Variants in SORCS2 observed in about 807,000 individuals in gnomAD.
SORCS2 encodes the protein VPS10 domain-containing receptor SorCS2.
In SORCS2, 100 loss-of-function variants were observed where a neutral mutation model predicts 141.6. The ratio of observed to expected loss-of-function variants is 0.71; its 90% CI spans 0.60 to 0.83. The LOEUF is 0.83. SORCS2 is among the 40% of genes least tolerant of loss of function. SORCS2 has a pLI of 0.00. For synonymous variants in SORCS2, 789 were observed against 676.9 expected (o/e 1.17, Z -2.57); for missense variants, 1,646 against 1,560.2 (o/e 1.05, Z -0.93).
chr4:7,461,470 G>A (rs1422674973), intron 2 of SORCS2, among the ~76,000 whole-genome samples: 2 of 152,226 alleles, frequency 1.3e-5, no homozygotes, highest in African/African-American at 4.8e-5. Context: ...GGGGAAACCT[G>A]TAGCACCCCC....
rs947341188 is a variant in SORCS2, at chr4:7,674,052, A to G, written c.1162-1998A>G. 2.6e-5 allele frequency among the ~76,000 whole-genome samples: 4 copies of G among 152,272 alleles called. No homozygotes were observed. In the East Asian group the frequency reaches 7.8e-4, roughly 30 times the overall value. On this transcript the variant is annotated intron_variant, in intron 8 of 26. Coordinates refer to ENST00000507866, the MANE Select transcript of SORCS2 (RefSeq NM_020777.3). Reference sequence around the variant, plus strand: ...GAGGTGAGGAGGGCAGAACAGCCACAAGCCTGCTGCCTCCGGGCACTTCAC... The same window carrying G: ...GAGGTGAGGAGGGCAGAACAGCCACGAGCCTGCTGCCTCCGGGCACTTCAC...
At chr4:7,541,512 G>T (rs902750969) in intron 3 of SORCS2, among the ~76,000 whole-genome samples, 2 of 152,226 alleles carry the variant, frequency 1.3e-5, no homozygotes, top group Non-Finnish European at 2.9e-5. Context: ...CTCAGGAGGG[G>T]CGATCACTCA....
chr4:7,586,762 G>A (rs1716565206), intron 3 of SORCS2, among the ~76,000 whole-genome samples: 1 of 152,088 alleles, frequency 6.6e-6, no homozygotes, highest in Non-Finnish European at 1.5e-5. Context: ...TCCATGCCAT[G>A]GACAATTTTA....
intron 2 of SORCS2, among the ~76,000 whole-genome samples, chr4:7,451,333 C>A (rs374841776): frequency 6.8e-4 from 104 of 152,366 alleles, no homozygotes; most frequent in African/African-American, 2.2e-3. Flanking sequence ...CTGCCACACC[C>A]CAGCTGGGAG....
chr4:7,197,899 G>A (rs1351300063), intron 1 of SORCS2, among the ~76,000 whole-genome samples: 1 of 152,162 alleles, frequency 6.6e-6, no homozygotes, highest in Non-Finnish European at 1.5e-5. Context: ...CTGGACTTCA[G>A]TGACCATATC....
intron 1 of SORCS2, among the ~76,000 whole-genome samples, chr4:7,285,236 T>C (rs189797136): frequency 6.6e-6 from 1 of 152,244 alleles, no homozygotes; most frequent in East Asian, 1.9e-4. Flanking sequence ...TTTCACCATG[T>C]TGGTCAGGCT....
chr4:7,724,844 ATGG>A (rs1727047047), intron 19 of SORCS2, among the ~76,000 whole-genome samples: 1 of 104,486 alleles, frequency 9.6e-6, no homozygotes, highest in African/African-American at 4.0e-5. Context: ...GGTGGAGGTG[ATGG>A]TGGTAGTGGT....
intron 3 of SORCS2, among the ~76,000 whole-genome samples, chr4:7,610,194 A>T (rs1718317042): frequency 6.6e-6 from 1 of 152,196 alleles, no homozygotes; most frequent in African/African-American, 2.4e-5. Flanking sequence ...AGATGCAATT[A>T]GCCGCGGTTG....
intron 8 of SORCS2, among the ~76,000 whole-genome samples, chr4:7,675,103 C>A (rs1384497182): frequency 6.6e-6 from 1 of 152,228 alleles, no homozygotes; most frequent in East Asian, 1.9e-4. Flanking sequence ...TCCCACATAG[C>A]ATTTGTTGCT....
At chr4:7,368,184 G>A (rs1722020108) in intron 1 of SORCS2, among the ~76,000 whole-genome samples, 2 of 152,210 alleles carry the variant, frequency 1.3e-5, no homozygotes, top group African/African-American at 4.8e-5. Context: ...CATGAAGAGT[G>A]GACACAGATG....
At chr4:7,658,047 G>A (rs1423907741) in intron 5 of SORCS2, among the ~76,000 whole-genome samples, 1 of 152,084 alleles carries the variant, frequency 6.6e-6, no homozygotes, top group Admixed American at 6.5e-5. Context: ...GTGAGTGAAT[G>A]AGTGAGTCTG....
chr4:7,216,182 C>T (rs982720261), intron 1 of SORCS2, among the ~76,000 whole-genome samples: 11 of 152,144 alleles, frequency 7.2e-5, no homozygotes, highest in Admixed American at 3.9e-4. Context: ...TGACACTCAC[C>T]GCAAAGGTCT....
chr4:7,698,411 T>C (rs1374737963), intron 12 of SORCS2, among the ~76,000 whole-genome samples: 1 of 152,218 alleles, frequency 6.6e-6, no homozygotes, highest in Admixed American at 6.5e-5. Context: ...TTTAAAAATA[T>C]GCAAGAAACA....
chr4:7,358,011 G>C (rs1721357295), intron 1 of SORCS2, among the ~76,000 whole-genome samples: 1 of 152,220 alleles, frequency 6.6e-6, no homozygotes, highest in East Asian at 1.9e-4. Context: ...GAAAATATTT[G>C]TGTACCCCCC....
Position 7,565,861 on chromosome 4 carries a change from G to GACA in SORCS2, c.648+34232_648+34233insACA, listed in dbSNP as rs1172790928. 9.7e-4 allele frequency among the ~76,000 whole-genome samples: 117 copies of GACA among 120,502 alleles called. 1 individual carries two copies. The highest frequency in any genetic ancestry group is 6.8e-3 in the South Asian group (21 of 3,082). 79.1% of individuals were successfully genotyped at this position (120,502 alleles called of 152,430 possible). Reference sequence around the variant, plus strand: ...TGGTGATGGTGATGATGGTGATGATGGTGATGATGTGATGATGGAGATGAT... The same window carrying GACA: ...TGGTGATGGTGATGATGGTGATGATGACAGTGATGATGTGATGATGGAGATGAT... On this transcript the variant is annotated intron_variant, in intron 3 of 26. Coordinates refer to ENST00000507866, the MANE Select transcript of SORCS2 (RefSeq NM_020777.3).
chr4:7,671,607 G>A (rs1438943851), intron 8 of SORCS2, among the ~76,000 whole-genome samples: 1 of 152,106 alleles, frequency 6.6e-6, no homozygotes, highest in African/African-American at 2.4e-5. Flanking sequence ...GAATTGAAAG[G>A]CAGAAGAAGG....
chr4:7,270,899 G>A (rs1168354869), intron 1 of SORCS2, among the ~76,000 whole-genome samples: 2 of 152,228 alleles, frequency 1.3e-5, no homozygotes, highest in African/African-American at 2.4e-5. Context: ...GGGTTGTTTA[G>A]GATACTTACG....
At chr4:7,573,905 T>G (rs1405372495) in intron 3 of SORCS2, among the ~76,000 whole-genome samples, 1 of 152,238 alleles carries the variant, frequency 6.6e-6, no homozygotes, top group Non-Finnish European at 1.5e-5. Flanking sequence ...CTCCTCGCTG[T>G]GCTTGGGAAG....
intron 12 of SORCS2, among the ~76,000 whole-genome samples, chr4:7,698,626 G>A (rs75245367): frequency 0.012 from 1,892 of 152,318 alleles, 34 homozygotes; most frequent in African/African-American, 0.043. Context: ...CATAGCAGTC[G>A]CTTTTGCCGA....
Sources: allele counts gnomAD v4.1 joint callset (sites outside exome capture counted in the v4.1 genomes callset), GRCh38; gene constraint gnomAD v4.1.1; transcripts MANE v1.5; gene names NCBI Gene and HGNC (gene_info 2026-07-23, HGNC 2026-07-21).